ADAMTSL1: variants seen among roughly 807,000 people sequenced by gnomAD.
ADAMTSL1 encodes ADAMTS like 1.
Under a neutral mutation model 201.8 loss-of-function variants are expected in ADAMTSL1, and 126 were observed. That is an observed-to-expected ratio of 0.62 (90% CI 0.54 to 0.72). The LOEUF (loss-of-function observed/expected upper bound fraction) is 0.72, where lower values mean the gene tolerates loss of function less well. Among genes scored for constraint, ADAMTSL1 ranks in the 30% least tolerant of loss-of-function variants. The pLI, the probability that ADAMTSL1 is intolerant of heterozygous loss-of-function variation, is 0.00. For missense variants in ADAMTSL1, 2,679 were observed against 2,277.8 expected, an observed-to-expected ratio of 1.18 and a Z score of -3.59; for synonymous variants, 1,121 against 903.4, an observed-to-expected ratio of 1.24 and a Z score of -4.32.
chr9:18,205,534 T>A (rs150101654), intron 2 of ADAMTSL1, among the ~76,000 whole-genome samples: 2,314 of 152,174 alleles, frequency 0.015, 61 homozygotes, highest in African/African-American at 0.052. Context: ...CTTAATTATA[T>A]TGTTAACCTT....
intron 2 of ADAMTSL1, among the ~76,000 whole-genome samples, chr9:18,279,947 C>T (rs562985402): frequency 5.9e-4 from 90 of 151,952 alleles, no homozygotes; most frequent in African/African-American, 1.8e-3. Context: ...CCTCAATCCA[C>T]GTGCTTGCCT....
chr9:18,549,332 A>C (rs1820657699), intron 3 of ADAMTSL1, among the ~76,000 whole-genome samples: 1 of 152,126 alleles, frequency 6.6e-6, no homozygotes, highest in Middle Eastern at 3.4e-3. Flanking sequence ...CAAAATATGA[A>C]TGGAACATAA....
At position 18,325,416 on chromosome 9, in the gene ADAMTSL1, A is replaced by G. The variant is rs574399707; in HGVS notation, c.207+161435A>G. Among the ~76,000 whole-genome samples the G allele has an allele frequency of 2.8e-4, 42 of 152,366 alleles. 1 individual carries two copies. In the South Asian group the frequency reaches 8.5e-3, roughly 31 times the overall value. On this transcript the variant is annotated intron_variant, in intron 2 of 29. Coordinates refer to the ADAMTSL1 transcript ENST00000680146. ...CACAGTATGACTTAGCAGTCTAAAAATAACTATCATTACATACATATTCAT... is the reference window on the plus strand; with the variant it reads ...CACAGTATGACTTAGCAGTCTAAAAGTAACTATCATTACATACATATTCAT...
intron 2 of ADAMTSL1, among the ~76,000 whole-genome samples, chr9:18,235,650 G>A (rs147426114): frequency 0.016 from 2,450 of 152,230 alleles, 38 homozygotes; most frequent in South Asian, 0.025. Flanking sequence ...TATAGGTGGG[G>A]AAAACCCCAC....
intron 16 of ADAMTSL1, among the ~76,000 whole-genome samples, chr9:18,762,564 C>T (rs1488370470): frequency 1.3e-5 from 2 of 151,804 alleles, no homozygotes; most frequent in African/African-American, 4.8e-5. Flanking sequence ...CTATAGTCAC[C>T]CTATTGTGCT....
intron 13 of ADAMTSL1, among the ~76,000 whole-genome samples, chr9:18,692,293 A>G (rs1450696059): frequency 1.3e-5 from 2 of 152,254 alleles, no homozygotes; most frequent in African/African-American, 4.8e-5. Flanking sequence ...TGAGTTAAAT[A>G]TACTTGATCT....
At chr9:18,621,285 A>G (rs1049733338) in intron 4 of ADAMTSL1, among the ~76,000 whole-genome samples, 1 of 152,184 alleles carries the variant, frequency 6.6e-6, no homozygotes, top group Non-Finnish European at 1.5e-5. Flanking sequence ...GGCATTGCCC[A>G]CATACTTTAT....
At chr9:18,534,932 T>G (rs371413026) in intron 3 of ADAMTSL1, among the ~76,000 whole-genome samples, 1 of 152,190 alleles carries the variant, frequency 6.6e-6, no homozygotes, top group South Asian at 2.1e-4. Context: ...CATTTTTCCC[T>G]TCTAGGCCTC....
intron 9 of ADAMTSL1, 96 bp downstream of exon 9, chr9:18,662,169 T>G: frequency 6.8e-7 from 1 of 1,463,068 alleles, no homozygotes; most frequent in East Asian, 2.4e-5. Flanking sequence ...AAAAATAAAA[T>G]GAAATTAAAC....
At chr9:18,877,590 G>A (rs1051634232) in intron 23 of ADAMTSL1, among the ~76,000 whole-genome samples, 17 of 152,178 alleles carry the variant, frequency 1.1e-4, no homozygotes, top group African/African-American at 4.1e-4. Context: ...TTTGTCTTCA[G>A]GTCTCTCAGC....
chr9:18,426,081 A>C (rs905488616), intron 2 of ADAMTSL1, among the ~76,000 whole-genome samples: 3 of 152,242 alleles, frequency 2.0e-5, no homozygotes, highest in African/African-American at 7.2e-5. Flanking sequence ...TAGTAATCCT[A>C]ATCAGAACAC....
chr9:17,978,762 A>G lies in ADAMTSL1; in HGVS notation c.87+71840A>G, dbSNP rs1018456474. Among the ~76,000 whole-genome samples the G allele has an allele frequency of 5.3e-5, 8 of 151,562 alleles. No homozygotes were observed. In the South Asian group the frequency reaches 1.7e-3, roughly 31 times the overall value. ...TGAATTTTTCTAAATACTTACCTTT[A>G]CCATTGATTTTTTTTACCATCATAT... On this transcript the variant is annotated intron_variant, in intron 1 of 29. Coordinates refer to the ADAMTSL1 transcript ENST00000680146.
chr9:18,513,335 C>T (rs553578821), intron 2 of ADAMTSL1, among the ~76,000 whole-genome samples: 1 of 152,174 alleles, frequency 6.6e-6, no homozygotes, highest in Admixed American at 6.5e-5. Flanking sequence ...CTGGCAGCCT[C>T]CCTTCTACTG....
At position 18,908,658 on chromosome 9, in the gene ADAMTSL1, C is replaced by T. The variant is rs1261600744; in HGVS notation, c.*110C>T. 3.5e-6 allele frequency: 3 copies of T among 856,378 alleles called. No homozygotes were observed. Among genetic ancestry groups the T allele is most frequent in the South Asian group, 1.7e-5 (1 of 58,292 alleles). The allele number at this position is 856,378 out of a possible 1,614,324, so 53.0% of individuals were successfully genotyped here. On this transcript the variant is annotated 3_prime_UTR_variant, in exon 29 of 29. Transcript: ENST00000380548. ...TTATTTATTTATTTCCCCCTCCCCACTCCACACACACCCTTCCAACCTCCT... is the reference window on the plus strand; with the variant it reads ...TTATTTATTTATTTCCCCCTCCCCATTCCACACACACCCTTCCAACCTCCT...
chr9:18,099,355 A>ATATATATATATAAAT (rs1239180390), intron 1 of ADAMTSL1, among the ~76,000 whole-genome samples: 3 of 45,562 alleles, frequency 6.6e-5, no homozygotes, highest in Non-Finnish European at 1.2e-4. Flanking sequence ...ATATATATAT[A>ATATATATATATAAAT]TTTTTTTTTT....
intron 2 of ADAMTSL1, among the ~76,000 whole-genome samples, chr9:18,177,398 T>A (rs1828217304): frequency 6.6e-6 from 1 of 152,216 alleles, no homozygotes; most frequent in African/African-American, 2.4e-5. Flanking sequence ...GATGGAAATG[T>A]GGCTAAAACG....
chr9:18,386,841 A>G (rs1837815191), intron 2 of ADAMTSL1, among the ~76,000 whole-genome samples: 1 of 152,172 alleles, frequency 6.6e-6, no homozygotes. Context: ...TTTTTGAGAA[A>G]GCACAATGAG....
At chr9:18,723,322 A>G (rs995723728) in intron 15 of ADAMTSL1, 27 of 547,886 alleles carry the variant, frequency 4.9e-5, no homozygotes, top group Non-Finnish European at 7.5e-5. Flanking sequence ...AAAACATGCA[A>G]AAGGGTCTTT....
intron 1 of ADAMTSL1, among the ~76,000 whole-genome samples, chr9:18,145,235 G>A (rs775723457): frequency 1.3e-5 from 2 of 152,174 alleles, no homozygotes; most frequent in East Asian, 3.9e-4. Context: ...AAAGAGTTGA[G>A]CGTTCTTAAG....
Sources: allele counts gnomAD v4.1 joint callset (sites outside exome capture counted in the v4.1 genomes callset), GRCh38; gene constraint gnomAD v4.1.1; transcripts MANE v1.5; gene names NCBI Gene and HGNC (gene_info 2026-07-23, HGNC 2026-07-21).